The following MYZAP variants were observed in gnomAD, a reference collection of about 807,000 sequenced individuals.
The protein encoded by MYZAP is GRINL1A complex locus upstream.
A neutral mutation model predicts 69.4 loss-of-function variants in MYZAP; 66 were observed. The observed-to-expected ratio is 0.95, with a 90% CI of 0.78 to 1.17. The LOEUF (loss-of-function observed/expected upper bound fraction) is 1.17, where lower values mean the gene tolerates loss of function less well. MYZAP is among the 50% of genes most tolerant of loss of function. MYZAP has a pLI of 0.00. For missense variants in MYZAP, 611 were observed against 556.2 expected (o/e 1.10, Z -0.99); for synonymous variants, 256 against 205.9 (o/e 1.24, Z -2.09).
chr15:57,622,881 C>T (rs2035902465), intron 4 of MYZAP, among the ~76,000 whole-genome samples: 1 of 152,134 alleles, frequency 6.6e-6, no homozygotes, highest in African/African-American at 2.4e-5. Flanking sequence ...ATGAGAAACT[C>T]CTGCTGGTAA....
In MYZAP at chr15:57,684,990, G is replaced by A. The variant is rs1449083378; in HGVS notation, c.*492G>A. ...CCCAGCCAAACTTGAACCTGGAAGGGAGGGTTCCCGGCCTGCAGGTGCTCT... is the reference window on the plus strand; with the variant it reads ...CCCAGCCAAACTTGAACCTGGAAGGAAGGGTTCCCGGCCTGCAGGTGCTCT... On this transcript the variant is annotated 3_prime_UTR_variant, in exon 13 of 13. Transcript: ENST00000267853. 6.6e-6 allele frequency: 1 copy of A among 152,260 alleles called. No homozygotes were observed. Among genetic ancestry groups the A allele is most frequent in the Non-Finnish European group, 1.4e-5 (1 of 69,192 alleles). The allele number at this position is 152,260 out of a possible 1,614,324, so 9.4% of individuals were successfully genotyped here. A position where few individuals can be genotyped will look rare whatever the true frequency, so the allele number is the denominator to read the frequency against.
intron 10 of MYZAP, among the ~76,000 whole-genome samples, chr15:57,649,213 A>G (rs2037605028): frequency 6.6e-6 from 1 of 152,160 alleles, no homozygotes; most frequent in African/African-American, 2.4e-5. Context: ...TCTAACTAGG[A>G]AGTATACGTA....
At chr15:57,609,290 G>T (rs541954810) in intron 2 of MYZAP, among the ~76,000 whole-genome samples, 1 of 152,314 alleles carries the variant, frequency 6.6e-6, no homozygotes, top group Admixed American at 6.5e-5. Flanking sequence ...AAACGAGATG[G>T]CTTCAATAAC....
Position 57,684,403 on chromosome 15 carries a change from C to G in MYZAP, c.1306C>G (p.Gln436Glu), listed in dbSNP as rs537137451. ...IGVGCDLLPS[Q>E]TGRTREIVMP... The stretch of plus-strand genomic sequence containing the variant: ...GACCTGCATTTTCTCATTTCTCAGC[C>G]AAACAGGCAGGACTCGTGAAATTGT... Residue 436 changes from glutamine (Q) to glutamate (E), a missense_variant and splice_region_variant, in exon 13 of 13, where the codon CAA becomes GAA. Transcript: ENST00000267853. The G allele has an allele frequency of 1.9e-6, 3 of 1,610,656 alleles. No individual in the cohort carries two copies. The African/African-American group carries it at 4.0e-5, about 22-fold the overall frequency.
chr15:57,604,053 C>A (rs2034583736), intron 1 of MYZAP, among the ~76,000 whole-genome samples: 1 of 152,216 alleles, frequency 6.6e-6, no homozygotes, highest in Non-Finnish European at 1.5e-5. Flanking sequence ...TAGTTTCCTT[C>A]CTTGAGCCCC....
chr15:57,619,807 C>T (rs1358880980), intron 3 of MYZAP, among the ~76,000 whole-genome samples: 1 of 152,164 alleles, frequency 6.6e-6, no homozygotes, highest in East Asian at 1.9e-4. Flanking sequence ...CCCTTAGTAA[C>T]CTTCTAAACA....
intron 1 of MYZAP, among the ~76,000 whole-genome samples, chr15:57,595,719 T>G (rs900494625): frequency 3.9e-5 from 6 of 152,166 alleles, no homozygotes; most frequent in Non-Finnish European, 7.4e-5. Flanking sequence ...TAAAAGACTG[T>G]TGGCTGGTGT....
chr15:57,611,673 T>A (rs753132749), intron 2 of MYZAP, among the ~76,000 whole-genome samples: 27 of 152,110 alleles, frequency 1.8e-4, no homozygotes, highest in Non-Finnish European at 3.2e-4. Flanking sequence ...TCTTTTCTCC[T>A]GAGTTTACTT....
chr15:57,607,783 G>T (rs1468249458), intron 2 of MYZAP, among the ~76,000 whole-genome samples: 1 of 152,220 alleles, frequency 6.6e-6, no homozygotes, highest in Non-Finnish European at 1.5e-5. Flanking sequence ...TGAAGTCCTT[G>T]GGTGGTGGCA....
chr15:57,653,764 G>C (rs1242553587), intron 10 of MYZAP, among the ~76,000 whole-genome samples: 1 of 152,030 alleles, frequency 6.6e-6, no homozygotes, highest in East Asian at 1.9e-4. Context: ...CAGCACTTCG[G>C]GAGGCTGAGG....
chr15:57,667,492 A>G (rs951067056), intron 11 of MYZAP, among the ~76,000 whole-genome samples: 12 of 152,186 alleles, frequency 7.9e-5, no homozygotes, highest in Admixed American at 2.0e-4. Context: ...TTGCTTCTCA[A>G]TCCCAGAAGC....
At chr15:57,662,131 G>A (rs2140551093) in intron 11 of MYZAP, among the ~76,000 whole-genome samples, 1 of 152,170 alleles carries the variant, frequency 6.6e-6, no homozygotes, top group East Asian at 1.9e-4. Context: ...CTTTTTGAAA[G>A]TCATTTGGGG....
At chr15:57,681,488 T>A (rs1252901797) in intron 12 of MYZAP, among the ~76,000 whole-genome samples, 1 of 152,190 alleles carries the variant, frequency 6.6e-6, no homozygotes, top group Non-Finnish European at 1.5e-5. Context: ...ACAAGTGCAA[T>A]AAGATGCTAT....
chr15:57,611,189 T>G (rs943751348), intron 2 of MYZAP, among the ~76,000 whole-genome samples: 1 of 152,166 alleles, frequency 6.6e-6, no homozygotes, highest in Non-Finnish European at 1.5e-5. Flanking sequence ...GATCCCCATT[T>G]TAGTGTTAAG....
At chr15:57,654,323 C>T (rs549346979) in intron 10 of MYZAP, among the ~76,000 whole-genome samples, 9 of 152,098 alleles carry the variant, frequency 5.9e-5, no homozygotes, top group East Asian at 1.9e-4. Flanking sequence ...CTAAGTGTGA[C>T]GTCAGTTTTA....
intron 11 of MYZAP, among the ~76,000 whole-genome samples, chr15:57,668,892 A>ATTTTTTTTTTTT (rs1424393924): frequency 1.9e-4 from 11 of 58,742 alleles, no homozygotes; most frequent in African/African-American, 5.5e-4. Flanking sequence ...ATATATATAT[A>ATTTTTTTTTTTT]TATTTTTTTT....
At chr15:57,684,129 T>A (rs1294631721) in intron 12 of MYZAP, among the ~76,000 whole-genome samples, 1 of 69,170 alleles carries the variant, frequency 1.4e-5, no homozygotes, top group African/African-American at 3.1e-5. Flanking sequence ...ATCCCATTCA[T>A]GAGGGCTCCA....
intron 10 of MYZAP, among the ~76,000 whole-genome samples, chr15:57,658,792 TTTTCA>T (rs2038134381): frequency 6.6e-6 from 1 of 152,226 alleles, no homozygotes; most frequent in Non-Finnish European, 1.5e-5. Context: ...ATTGAATGTT[TTTTCA>T]TTAGCTTTTA....
At chr15:57,599,986 A>G (rs1025481310) in intron 1 of MYZAP, among the ~76,000 whole-genome samples, 4 of 152,198 alleles carry the variant, frequency 2.6e-5, no homozygotes, top group Non-Finnish European at 5.9e-5. Context: ...AACTACTATT[A>G]TTATTTTAAT....
Sources: allele counts gnomAD v4.1 joint callset (sites outside exome capture counted in the v4.1 genomes callset), GRCh38; gene constraint gnomAD v4.1.1; transcripts MANE v1.5; gene names NCBI Gene and HGNC (gene_info 2026-07-23, HGNC 2026-07-21).